Variants in SDC2 observed in about 807,000 individuals in gnomAD.
SDC2 encodes syndecan-2.
In SDC2, 13 loss-of-function variants were observed where a neutral mutation model predicts 22.2. The ratio of observed to expected loss-of-function variants is 0.59; its 90% confidence interval spans 0.38 to 0.93. The LOEUF (loss-of-function observed/expected upper bound fraction) is 0.93. Ranked by LOEUF, SDC2 falls within the 40% of genes least tolerant of loss-of-function variation. The pLI is 0.00. For missense variants in SDC2, 235 were observed against 246.8 expected (o/e 0.95, Z 0.32); for synonymous variants, 94 against 92.8 (o/e 1.01, Z -0.07).
intron 1 of SDC2, among the ~76,000 whole-genome samples, chr8:96,557,945 G>A (rs1334468698): frequency 6.6e-6 from 1 of 152,082 alleles, no homozygotes; most frequent in Non-Finnish European, 1.5e-5. Context: ...GGAACACAGT[G>A]CGTTAAACTT....
intron 1 of SDC2, among the ~76,000 whole-genome samples, chr8:96,507,784 C>A (rs896261259): frequency 6.6e-6 from 1 of 152,220 alleles, no homozygotes; most frequent in African/African-American, 2.4e-5. Context: ...GAGTCTGATG[C>A]ACTTACAGCC....
At chr8:96,509,874 T>A (rs1563642430) in intron 1 of SDC2, among the ~76,000 whole-genome samples, 3 of 152,236 alleles carry the variant, frequency 2.0e-5, no homozygotes, top group African/African-American at 7.2e-5. Context: ...AAATCCTTGC[T>A]CCCTTCCAGC....
intron 2 of SDC2, among the ~76,000 whole-genome samples, chr8:96,596,243 C>A (rs548576461): frequency 6.6e-6 from 1 of 152,284 alleles, no homozygotes; most frequent in Admixed American, 6.5e-5. Context: ...CATTCCTTTG[C>A]TGTGCTGCCT....
Position 96,494,288 on chromosome 8 carries a change from T to A in SDC2, c.17T>A (p.Ile6Asn). Residue 6 changes from isoleucine (I) to asparagine (N), a missense_variant, in exon 1 of 5, where the codon ATC becomes AAC. Coordinates refer to ENST00000302190, the MANE Select transcript of SDC2 (RefSeq NM_002998.4). MRRAW[I>N]LLTLGLVACV... ...CTGGGGAATATGCGGCGCGCGTGGA[T>A]CCTGCTCACCTTGGGCTTGGTGGCC... 6.5e-7 allele frequency: 1 copy of A among 1,547,138 alleles called. No homozygotes were observed. The highest frequency in any genetic ancestry group is 8.7e-7 in the Non-Finnish European group (1 of 1,149,794).
chr8:96,516,253 C>T (rs1320025108), intron 1 of SDC2, among the ~76,000 whole-genome samples: 1 of 152,148 alleles, frequency 6.6e-6, no homozygotes, highest in African/African-American at 2.4e-5. Context: ...AGGCCCTCCC[C>T]TCTCTAAAAT....
At chr8:96,574,288 A>T (rs914809730) in intron 1 of SDC2, among the ~76,000 whole-genome samples, 3 of 152,148 alleles carry the variant, frequency 2.0e-5, no homozygotes, top group African/African-American at 7.2e-5. Flanking sequence ...AGCCACCTGA[A>T]GACCTGGAGT....
intron 1 of SDC2, among the ~76,000 whole-genome samples, chr8:96,592,448 A>G (rs999347565): frequency 6.6e-6 from 1 of 152,248 alleles, no homozygotes; most frequent in African/African-American, 2.4e-5. Context: ...AAATAGAGCA[A>G]TAATGAGTGT....
intron 1 of SDC2, among the ~76,000 whole-genome samples, chr8:96,501,544 C>A (rs1213786569): frequency 6.6e-6 from 1 of 151,850 alleles, no homozygotes; most frequent in Admixed American, 6.6e-5. Context: ...TTGACCTCAA[C>A]TGATCCGCCT....
Position 96,494,292 on chromosome 8 carries a change from G to C in SDC2, c.21G>C (p.Leu7=). The C allele has an allele frequency of 1.3e-6, 2 of 1,547,204 alleles. No homozygotes were observed. The highest frequency in any genetic ancestry group is 1.7e-6 in the Non-Finnish European group (2 of 1,149,924). Residue 7 remains leucine, a synonymous_variant, in exon 1 of 5, where the codon CTG becomes CTC. Coordinates refer to ENST00000302190, the MANE Select transcript of SDC2 (RefSeq NM_002998.4). The part of the protein sequence containing the change: MRRAWI[L]LTLGLVACVS... ...GGAATATGCGGCGCGCGTGGATCCT[G>C]CTCACCTTGGGCTTGGTGGCCTGCG...
chr8:96,526,561 C>A (rs952919709), intron 1 of SDC2, among the ~76,000 whole-genome samples: 1 of 152,106 alleles, frequency 6.6e-6, no homozygotes, highest in African/African-American at 2.4e-5. Context: ...GGAAGGCCAA[C>A]GCAGGTTGCA....
rs139294144 is a variant in SDC2 at position 96,521,676 on chromosome 8, C to T, written c.60+27345C>T. Among the ~76,000 whole-genome samples the T allele has an allele frequency of 2.4e-3, 366 of 152,256 alleles. 1 individual carries two copies. The highest frequency in any genetic ancestry group is 8.3e-3 in the African/African-American group (344 of 41,540). ...GTTGCTATTTATTTCACATCTGTGT[C>T]GGGTATTGAGCATTTTCCTTGCTTT... is the stretch of plus-strand genomic sequence containing the variant. On this transcript the variant is annotated intron_variant, in intron 1 of 4. Transcript: ENST00000302190.
At position 96,609,378 on chromosome 8, in the gene SDC2, G is replaced by T; in HGVS notation, c.443-7G>T. 6.2e-7 allele frequency: 1 copy of T among 1,605,104 alleles called. No individual in the cohort carries two copies. Among genetic ancestry groups the T allele is most frequent in the Non-Finnish European group, 8.5e-7 (1 of 1,175,760 alleles). The stretch of plus-strand genomic sequence containing the variant: ...TTCTAAAGTAATCTTCCTTTTGGTT[G>T]TTTCAGCTGTCATTGCTGGTGGAGT... On this transcript the variant is annotated splice_polypyrimidine_tract_variant and splice_region_variant and intron_variant, in intron 4 of 4. Coordinates refer to ENST00000302190, the MANE Select transcript of SDC2 (RefSeq NM_002998.4).
chr8:96,510,333 G>C (rs1018392516), intron 1 of SDC2, among the ~76,000 whole-genome samples: 3 of 152,168 alleles, frequency 2.0e-5, no homozygotes, highest in African/African-American at 7.2e-5. Flanking sequence ...GAGCTGTATT[G>C]TTTGCAGCTG....
At chr8:96,506,613 A>T (rs1813243004) in intron 1 of SDC2, among the ~76,000 whole-genome samples, 2 of 151,950 alleles carry the variant, frequency 1.3e-5, no homozygotes, top group African/African-American at 4.8e-5. Flanking sequence ...AGTAGCTAGG[A>T]CTACAGGCAC....
chr8:96,574,988 A>T (rs1399360601), intron 1 of SDC2, among the ~76,000 whole-genome samples: 1 of 152,194 alleles, frequency 6.6e-6, no homozygotes, highest in African/African-American at 2.4e-5. Flanking sequence ...TCACATGTGC[A>T]GTTCACAATA....
rs150662081 is a variant in SDC2, at chr8:96,610,232, A to G, written c.*684A>G. On this transcript the variant is annotated 3_prime_UTR_variant, in exon 5 of 5. Transcript: ENST00000302190. ...ACTACAAAACCGTTTAGTCATATCT[A>G]TCTAATCAGATCTTCTTTTGGGAGG... 3.9e-5 allele frequency: 6 copies of G among 152,754 alleles called. No homozygotes were observed. The highest frequency in any genetic ancestry group is 2.1e-4 in the South Asian group (1 of 4,832). 9.5% of individuals were successfully genotyped at this position (152,754 alleles called of 1,614,324 possible). A position where few individuals can be genotyped will look rare whatever the true frequency, so the allele number is the denominator to read the frequency against.
intron 1 of SDC2, among the ~76,000 whole-genome samples, chr8:96,503,663 T>G (rs576346247): frequency 2.0e-4 from 30 of 152,198 alleles, no homozygotes; most frequent in Non-Finnish European, 3.7e-4. Flanking sequence ...TGGCGGAAAC[T>G]AGGAAGGGGC....
chr8:96,595,141 C>T (rs368543600), intron 2 of SDC2, among the ~76,000 whole-genome samples: 3 of 152,158 alleles, frequency 2.0e-5, no homozygotes, highest in African/African-American at 7.2e-5. Flanking sequence ...CTTATCCAGA[C>T]CTTTTTTGCT....
intron 4 of SDC2, 68 bp downstream of exon 4, chr8:96,608,538 C>T (rs1815123167): frequency 2.2e-6 from 3 of 1,375,522 alleles, no homozygotes; most frequent in Non-Finnish European, 3.0e-6. Flanking sequence ...AAGTGATATT[C>T]AAAAGTGCAG....
Sources: gnomAD v4.1 joint callset for allele counts (sites outside exome capture counted in the v4.1 genomes callset) on GRCh38, gnomAD v4.1.1 for gene constraint, MANE v1.5 for transcripts, NCBI Gene and HGNC (gene_info 2026-07-23, HGNC 2026-07-21) for gene names.